GABRG1: variants seen among roughly 807,000 people sequenced by gnomAD.
GABRG1 encodes gamma-aminobutyric acid type A receptor subunit gamma1.
In GABRG1, 49 loss-of-function variants were observed where a neutral mutation model predicts 49.8. The ratio of observed to expected loss-of-function variants is 0.98; its 90% CI spans 0.78 to 1.25. The LOEUF is 1.25. GABRG1 is among the 50% of genes most tolerant of loss of function. The probability of loss-of-function intolerance (pLI) is 0.00; values close to 1 mark genes in which losing one functional copy is unlikely to be tolerated. For missense variants in GABRG1, 552 were observed against 552.3 expected (o/e 1.00, Z 0.01); for synonymous variants, 232 against 185.1 (o/e 1.25, Z -2.06).
intron 1 of GABRG1, among the ~76,000 whole-genome samples, chr4:46,118,653 C>T (rs1039646912): frequency 2.0e-5 from 3 of 150,980 alleles, no homozygotes; most frequent in African/African-American, 7.3e-5. Flanking sequence ...CTGCTTAACA[C>T]ACAATGGGCA....
chr4:46,100,707 G>GAAAAA (rs33924854), intron 1 of GABRG1, among the ~76,000 whole-genome samples: 1 of 127,050 alleles, frequency 7.9e-6, no homozygotes, highest in Admixed American at 8.4e-5. Context: ...GAAGATTTTA[G>GAAAAA]AAAAAAAAAA....
intron 1 of GABRG1, among the ~76,000 whole-genome samples, chr4:46,111,346 A>G (rs1720707102): frequency 6.6e-6 from 1 of 151,262 alleles, no homozygotes; most frequent in African/African-American, 2.4e-5. Flanking sequence ...TTCAAAGGTG[A>G]CTCAAAGAAA....
chr4:46,111,464 G>T (rs9654078), intron 1 of GABRG1, among the ~76,000 whole-genome samples: 14,331 of 150,970 alleles, frequency 0.095, 1,693 homozygotes, highest in African/African-American at 0.28. Flanking sequence ...GCTAACAAAA[G>T]AGTTTTCCAT....
rs1717589369 is a variant in GABRG1 at position 46,037,846 on chromosome 4, G to A, written c.*3142C>T. On this transcript the variant is annotated 3_prime_UTR_variant, in exon 9 of 9. Coordinates refer to ENST00000295452, the MANE Select transcript of GABRG1 (RefSeq NM_173536.4). Reference sequence around the variant, plus strand: ...TATAATTTCACATTTATAACTATGGGGCCCTTGGTGTGAGAGAACTGTAGC... The same window carrying A: ...TATAATTTCACATTTATAACTATGGAGCCCTTGGTGTGAGAGAACTGTAGC... The A allele has an allele frequency of 6.6e-6, 1 of 151,468 alleles. No homozygotes were observed. The highest frequency in any genetic ancestry group is 6.6e-5 in the Admixed American group (1 of 15,134). 9.4% of individuals were successfully genotyped at this position (151,468 alleles called of 1,614,324 possible). A position where few individuals can be genotyped will look rare whatever the true frequency, so the allele number is the denominator to read the frequency against.
intron 5 of GABRG1, 107 bp downstream of exon 5, chr4:46,064,334 T>G: frequency 1.7e-6 from 1 of 605,812 alleles, no homozygotes; most frequent in Non-Finnish European, 2.9e-6. Flanking sequence ...GAATTGAACA[T>G]AACTCACACT....
At chr4:46,098,634 G>A (rs900011979) in intron 1 of GABRG1, among the ~76,000 whole-genome samples, 1 of 151,716 alleles carries the variant, frequency 6.6e-6, no homozygotes, top group Non-Finnish European at 1.5e-5. Context: ...ACGCCAGTCC[G>A]AGATGTTTAT....
Position 46,076,229 on chromosome 4 carries a change from T to G in GABRG1, c.321+7757A>C, listed in dbSNP as rs139280921. ...ATATGAAAATATGTGTGTTTGTGCGTGTATGCATATGTACATTTAAGGAAA... is the reference window on the plus strand; with the variant it reads ...ATATGAAAATATGTGTGTTTGTGCGGGTATGCATATGTACATTTAAGGAAA... On this transcript the variant is annotated intron_variant, in intron 3 of 8. Transcript: ENST00000295452. Among the ~76,000 whole-genome samples, 752 of 151,510 alleles carry G rather than the reference T, an allele frequency of 5.0e-3. 5 individuals carry two copies. The highest frequency in any genetic ancestry group is 0.03 in the East Asian group (153 of 5,120).
intron 7 of GABRG1, among the ~76,000 whole-genome samples, chr4:46,056,149 AT>A (rs747633527): frequency 0.16 from 1,151 of 7,382 alleles, 252 homozygotes; most frequent in Non-Finnish European, 0.18. Context: ...AAATAAATAA[AT>A]TAAAAAAAAA....
chr4:46,051,309 C>G, intron 8 of GABRG1, 115 bp downstream of exon 8: 3 of 739,376 alleles, frequency 4.1e-6, no homozygotes, highest in South Asian at 3.9e-5. Flanking sequence ...TTAACTTTGT[C>G]TTTGGTTATG....
At chr4:46,080,075 T>C (rs997865001) in intron 3 of GABRG1, among the ~76,000 whole-genome samples, 1 of 151,914 alleles carries the variant, frequency 6.6e-6, no homozygotes, top group African/African-American at 2.4e-5. Flanking sequence ...AAGAAAAGCA[T>C]ATTCCATTGT....
chr4:46,080,257 G>A (rs1041264231), intron 3 of GABRG1, among the ~76,000 whole-genome samples: 2 of 151,560 alleles, frequency 1.3e-5, no homozygotes, highest in East Asian at 3.9e-4. Flanking sequence ...AGTACTTAAG[G>A]GGGTGGCACC....
At chr4:46,078,095 T>C (rs1170733056) in intron 3 of GABRG1, among the ~76,000 whole-genome samples, 1 of 151,796 alleles carries the variant, frequency 6.6e-6, no homozygotes, top group Non-Finnish European at 1.5e-5. Flanking sequence ...AAAGTTAATA[T>C]ATGCAGAAGA....
intron 1 of GABRG1, among the ~76,000 whole-genome samples, chr4:46,120,683 C>T (rs1242937249): frequency 1.3e-5 from 2 of 151,712 alleles, no homozygotes; most frequent in Non-Finnish European, 1.5e-5. Flanking sequence ...CCACACAAAA[C>T]ATACTACTGA....
At chr4:46,067,706 A>C (rs1407406103) in intron 3 of GABRG1, among the ~76,000 whole-genome samples, 1 of 152,140 alleles carries the variant, frequency 6.6e-6, no homozygotes, top group Non-Finnish European at 1.5e-5. Context: ...AGCCTTATAA[A>C]TCTGATAGCC....
chr4:46,069,140 A>G (rs978412752), intron 3 of GABRG1, among the ~76,000 whole-genome samples: 18 of 152,110 alleles, frequency 1.2e-4, no homozygotes, highest in African/African-American at 4.3e-4. Context: ...ATTCAATATT[A>G]CTGTCTTTCT....
chr4:46,112,412 G>A (rs77542989), intron 1 of GABRG1, among the ~76,000 whole-genome samples: 2 of 151,316 alleles, frequency 1.3e-5, no homozygotes, highest in African/African-American at 4.8e-5. Flanking sequence ...CTGCCAATGT[G>A]GAAAGCAGTT....
At chr4:46,051,276 A>G (rs962234045) in intron 8 of GABRG1, 148 bp downstream of exon 8, 1 of 606,562 alleles carries the variant, frequency 1.6e-6, no homozygotes, top group African/African-American at 1.9e-5. Flanking sequence ...TTGGTGAGCA[A>G]TGTTAGGTAC....
Position 46,096,629 on chromosome 4 carries a change from C to G in GABRG1, c.253+572G>C, listed in dbSNP as rs150127470. Among the ~76,000 whole-genome samples, 381 of 151,738 alleles carry G rather than the reference C, an allele frequency of 2.5e-3. 1 individual carries two copies. Among genetic ancestry groups the G allele is most frequent in the African/African-American group, 8.9e-3 (371 of 41,482 alleles). On this transcript the variant is annotated intron_variant, in intron 2 of 8. Transcript: ENST00000295452. The stretch of plus-strand genomic sequence containing the variant: ...TGTTTTGAAGACTGTGTTTTCACAT[C>G]ACACATACTTGTAGATGTGTAGGGA...
intron 1 of GABRG1, among the ~76,000 whole-genome samples, chr4:46,117,594 C>CTGTCTCTCTTTG (rs1720942358): frequency 1.9e-5 from 2 of 104,796 alleles, no homozygotes; most frequent in African/African-American, 8.1e-5. Flanking sequence ...CTCTCTTTGT[C>CTGTCTCTCTTTG]TCTCTCTCTC....
Sources: allele counts gnomAD v4.1 joint callset (sites outside exome capture counted in the v4.1 genomes callset), GRCh38; gene constraint gnomAD v4.1.1; transcripts MANE v1.5; gene names NCBI Gene and HGNC (gene_info 2026-07-23, HGNC 2026-07-21).